The following APBB2 variants were observed in gnomAD, a reference collection of about 807,000 sequenced individuals.
APBB2 encodes the protein Fe65-like 1.
Under a neutral mutation model 82.5 loss-of-function variants are expected in APBB2, and 38 were observed. The observed-to-expected ratio is 0.46, with a 90% CI of 0.36 to 0.60. APBB2 has a LOEUF of 0.60. Ranked by LOEUF, APBB2 falls within the 20% of genes least tolerant of loss-of-function variation. The pLI is 0.00. For missense variants in APBB2, 772 were observed against 972.3 expected, an observed-to-expected ratio of 0.79 and a Z score of 2.74; for synonymous variants, 341 against 368.2, an observed-to-expected ratio of 0.93 and a Z score of 0.85.
chr4:40,963,349 C>T (rs945141304), intron 6 of APBB2, among the ~76,000 whole-genome samples: 18 of 152,212 alleles, frequency 1.2e-4, no homozygotes, highest in East Asian at 5.8e-4. Context: ...TGGGCTCAAG[C>T]GATCTTCCCA....
intron 1 of APBB2, among the ~76,000 whole-genome samples, chr4:41,170,108 C>T (rs1195912674): frequency 6.6e-6 from 1 of 152,206 alleles, no homozygotes; most frequent in Non-Finnish European, 1.5e-5. Context: ...ATGGCACAGT[C>T]TCTGCTAAGT....
intron 1 of APBB2, chr4:41,193,899 G>T: frequency 1.3e-5 from 2 of 152,200 alleles, no homozygotes; most frequent in Non-Finnish European, 2.9e-5. Flanking sequence ...ATCTAGAACA[G>T]TGTTCGCATT....
At chr4:40,891,335 C>T (rs1404996767) in intron 11 of APBB2, among the ~76,000 whole-genome samples, 2 of 152,152 alleles carry the variant, frequency 1.3e-5, no homozygotes, top group African/African-American at 4.8e-5. Context: ...ATTCCCCCTG[C>T]AATCTCCCCG....
intron 1 of APBB2, among the ~76,000 whole-genome samples, chr4:41,150,047 T>A (rs1761842187): frequency 6.6e-6 from 1 of 152,208 alleles, no homozygotes. Flanking sequence ...ACACTGGGGT[T>A]CTTACATAAA....
At chr4:41,104,421 G>T (rs1746458426) in intron 2 of APBB2, among the ~76,000 whole-genome samples, 1 of 152,046 alleles carries the variant, frequency 6.6e-6, no homozygotes, top group African/African-American at 2.4e-5. Flanking sequence ...ACACATCTGA[G>T]TTCACTCACC....
In APBB2 at chr4:40,994,706, C is replaced by T. The variant is rs182454582; in HGVS notation, c.835+18877G>A. Reference sequence around the variant, plus strand: ...GCACATGCCTATAGTCCCAGCTACTCGGGAAGCTGAGGGAGGAGAATCGCT... The same window carrying T: ...GCACATGCCTATAGTCCCAGCTACTTGGGAAGCTGAGGGAGGAGAATCGCT... On this transcript the variant is annotated intron_variant, in intron 6 of 17. Transcript: ENST00000508593. Among the ~76,000 whole-genome samples, 331 of 150,848 alleles carry T rather than the reference C, an allele frequency of 2.2e-3. 3 individuals carry two copies. Among genetic ancestry groups the T allele is most frequent in the South Asian group, 9.0e-3 (43 of 4,752 alleles).
At chr4:41,099,412 G>A (rs1014945389) in intron 3 of APBB2, among the ~76,000 whole-genome samples, 14 of 152,026 alleles carry the variant, frequency 9.2e-5, no homozygotes, top group African/African-American at 2.7e-4. Context: ...TGTATTTTTA[G>A]CAGAGATGGG....
At chr4:40,976,328 TTTTTAA>T (rs1156529163) in intron 6 of APBB2, among the ~76,000 whole-genome samples, 6 of 152,224 alleles carry the variant, frequency 3.9e-5, no homozygotes, top group Admixed American at 1.3e-4. Context: ...ATGGTGCTTA[TTTTTAA>T]TTTTATGTGC....
chr4:41,116,900 G>A (rs1751165896), intron 2 of APBB2, among the ~76,000 whole-genome samples: 1 of 151,928 alleles, frequency 6.6e-6, no homozygotes, highest in Admixed American at 6.6e-5. Flanking sequence ...ACTTACATTG[G>A]GTGATTTTCT....
At chr4:40,945,930 A>T (rs1788255528) in intron 6 of APBB2, among the ~76,000 whole-genome samples, 1 of 152,180 alleles carries the variant, frequency 6.6e-6, no homozygotes, top group Non-Finnish European at 1.5e-5. Flanking sequence ...TTCTAATTGC[A>T]CGCAAAAGAT....
intron 6 of APBB2, among the ~76,000 whole-genome samples, chr4:40,987,331 C>A (rs80194386): frequency 0.039 from 5,940 of 152,212 alleles, 166 homozygotes; most frequent in Non-Finnish European, 0.058. Flanking sequence ...CAGCATTTGG[C>A]AGAAGTTGTT....
intron 3 of APBB2, among the ~76,000 whole-genome samples, chr4:41,097,962 C>T (rs1462530864): frequency 6.6e-6 from 1 of 151,958 alleles, no homozygotes; most frequent in African/African-American, 2.4e-5. Flanking sequence ...AAAGAGCAGT[C>T]AGAAACATTT....
At chr4:41,120,904 C>T (rs1752617274) in intron 2 of APBB2, among the ~76,000 whole-genome samples, 1 of 152,134 alleles carries the variant, frequency 6.6e-6, no homozygotes, top group Admixed American at 6.5e-5. Context: ...TGCCTCAGTA[C>T]AAAATATAAA....
chr4:41,126,136 G>A (rs901207163), intron 2 of APBB2, among the ~76,000 whole-genome samples: 2 of 151,656 alleles, frequency 1.3e-5, no homozygotes, highest in African/African-American at 2.4e-5. Context: ...TCCCAGCACT[G>A]TGGGAGGCAG....
chr4:40,951,539 T>G (rs184008652), intron 6 of APBB2, among the ~76,000 whole-genome samples: 1 of 152,380 alleles, frequency 6.6e-6, no homozygotes, highest in African/African-American at 2.4e-5. Context: ...GCGTGGCAAC[T>G]GAAGTGTCAA....
chr4:40,982,452 A>AGAAAGAAAGAAAGAAT, intron 6 of APBB2, among the ~76,000 whole-genome samples: 1 of 87,764 alleles, frequency 1.1e-5, no homozygotes, highest in Admixed American at 1.1e-4. Flanking sequence ...AAAGAAAGAA[A>AGAAAGAAAGAAAGAAT]GAATGAATGA....
intron 12 of APBB2, among the ~76,000 whole-genome samples, chr4:40,858,452 C>T (rs560718303): frequency 8.6e-5 from 4 of 46,548 alleles, no homozygotes; most frequent in African/African-American, 4.3e-4. Context: ...GAGAGTCCGT[C>T]TCAAAAAAAA....
In APBB2 at chr4:41,127,392, T is replaced by A. The variant is rs1010213133; in HGVS notation, c.-261+15595A>T. 6.6e-6 allele frequency among the ~76,000 whole-genome samples: 1 copy of A among 152,138 alleles called. No homozygotes were observed. ...GATATTCCACATCAATAGAAGGCAA[T>A]TGCAAAAAAATTTCATTCTCACTCA... On this transcript the variant is annotated intron_variant, in intron 2 of 17. Coordinates refer to ENST00000508593, the MANE Select transcript of APBB2 (RefSeq NM_004307.2). The surrounding 1 kb of genome is among the most constrained non-coding windows in gnomAD (Gnocchi z 4.8).
At chr4:40,859,338 T>C (rs1762210117) in intron 12 of APBB2, among the ~76,000 whole-genome samples, 1 of 151,882 alleles carries the variant, frequency 6.6e-6, no homozygotes, top group Non-Finnish European at 1.5e-5. Context: ...GGCCGCTATC[T>C]TGGCTCACTG....
Sources: allele counts gnomAD v4.1 joint callset (sites outside exome capture counted in the v4.1 genomes callset), GRCh38; gene constraint gnomAD v4.1.1; non-coding constraint Gnocchi (gnomAD v3.1); transcripts MANE v1.5; gene names NCBI Gene and HGNC (gene_info 2026-07-23, HGNC 2026-07-21).